Variants in SLC4A10 observed in about 807,000 individuals in gnomAD.
SLC4A10 encodes solute carrier family 4 member 10, also known as sodium-driven chloride bicarbonate exchanger.
A neutral mutation model predicts 137.7 loss-of-function variants in SLC4A10; 42 were observed. The observed-to-expected ratio is 0.30, with a 90% CI of 0.24 to 0.39. The LOEUF (loss-of-function observed/expected upper bound fraction) is 0.39. SLC4A10 is among the 10% of genes least tolerant of loss of function. SLC4A10 has a pLI of 1.00. For missense variants in SLC4A10, 925 were observed against 1,355.0 expected (o/e 0.68, Z 4.98); for synonymous variants, 474 against 464.1 (o/e 1.02, Z -0.27).
At chr2:161,886,438 G>A (rs1304624947) in intron 10 of SLC4A10, among the ~76,000 whole-genome samples, 1 of 152,032 alleles carries the variant, frequency 6.6e-6, no homozygotes, top group Non-Finnish European at 1.5e-5. Context: ...AGTTTTGAAG[G>A]AGTAGTCTCT....
intron 4 of SLC4A10, among the ~76,000 whole-genome samples, chr2:161,844,471 A>T (rs1266784659): frequency 6.6e-6 from 1 of 152,086 alleles, no homozygotes; most frequent in South Asian, 2.1e-4. Flanking sequence ...CACCCCAGCC[A>T]TGTCCCCCAA....
chr2:161,928,989 C>T (rs1448780863), intron 15 of SLC4A10, among the ~76,000 whole-genome samples: 1 of 152,128 alleles, frequency 6.6e-6, no homozygotes, highest in African/African-American at 2.4e-5. Context: ...CATATTTTCT[C>T]TATTTTATAT....
At chr2:161,644,279 T>C (rs956980847) in intron 1 of SLC4A10, among the ~76,000 whole-genome samples, 1 of 152,088 alleles carries the variant, frequency 6.6e-6, no homozygotes, top group Admixed American at 6.6e-5. Flanking sequence ...AGAAGATCGC[T>C]TGAGTTCAGG....
Position 161,863,068 on chromosome 2 carries a change from T to A in SLC4A10, c.766+6T>A. On this transcript the variant is annotated splice_donor_region_variant and intron_variant, in intron 6 of 26. Transcript: ENST00000446997. ...AAATTCCATGGACAAAAATGGTAAA[T>A]GTTTATTTATTGTGCTCTTTATGTC... The A allele has an allele frequency of 1.2e-6, 2 of 1,613,250 alleles. No individual in the cohort carries two copies. The highest frequency in any genetic ancestry group is 1.7e-6 in the Non-Finnish European group (2 of 1,179,404).
chr2:161,637,117 A>G (rs533394994), intron 1 of SLC4A10, among the ~76,000 whole-genome samples: 32 of 147,346 alleles, frequency 2.2e-4, no homozygotes, highest in Non-Finnish European at 4.5e-4. Flanking sequence ...TTATGTATAT[A>G]TATCTATATA....
At chr2:161,803,320 A>G (rs1014376590) in intron 2 of SLC4A10, among the ~76,000 whole-genome samples, 2 of 152,170 alleles carry the variant, frequency 1.3e-5, no homozygotes, top group South Asian at 2.1e-4. Context: ...AACATTTTAC[A>G]TTAGTGCAGT....
intron 2 of SLC4A10, among the ~76,000 whole-genome samples, chr2:161,791,219 A>G (rs2054170399): frequency 6.6e-6 from 1 of 152,172 alleles, no homozygotes; most frequent in African/African-American, 2.4e-5. Flanking sequence ...ACCAACTAAA[A>G]TGCCCATCAG....
intron 4 of SLC4A10, among the ~76,000 whole-genome samples, chr2:161,843,447 A>G (rs550763137): frequency 6.6e-6 from 1 of 152,322 alleles, no homozygotes; most frequent in South Asian, 2.1e-4. Flanking sequence ...CCAAGCTTCT[A>G]GAATCTAATG....
intron 1 of SLC4A10, among the ~76,000 whole-genome samples, chr2:161,710,431 G>C (rs2044153040): frequency 6.6e-6 from 1 of 151,200 alleles, no homozygotes; most frequent in African/African-American, 2.4e-5. Flanking sequence ...CTTTCTGTTA[G>C]TGGCATTTAA....
chr2:161,804,057 G>A (rs2055659020), intron 2 of SLC4A10, among the ~76,000 whole-genome samples: 2 of 152,080 alleles, frequency 1.3e-5, no homozygotes, highest in Non-Finnish European at 2.9e-5. Flanking sequence ...ATTAGAGACA[G>A]TGATTTTTTA....
At chr2:161,784,288 T>A (rs370963841) in intron 2 of SLC4A10, among the ~76,000 whole-genome samples, 2 of 151,768 alleles carry the variant, frequency 1.3e-5, no homozygotes, top group African/African-American at 4.8e-5. Context: ...ACAATAATAG[T>A]AGGATATTTC....
intron 2 of SLC4A10, among the ~76,000 whole-genome samples, chr2:161,773,339 C>G (rs1272353525): frequency 6.6e-6 from 1 of 151,688 alleles, no homozygotes; most frequent in Non-Finnish European, 1.5e-5. Context: ...AATTGTTGCA[C>G]CAGGGATTAA....
chr2:161,977,679 T>G (rs577543662), intron 25 of SLC4A10, 43 bp from the exon 26 acceptor site: 1 of 1,553,312 alleles, frequency 6.4e-7, no homozygotes, highest in African/African-American at 1.4e-5. Flanking sequence ...AACCTTAAAT[T>G]AACTTTTTCT....
At chr2:161,729,741 T>C (rs1559124727) in intron 1 of SLC4A10, among the ~76,000 whole-genome samples, 1 of 152,156 alleles carries the variant, frequency 6.6e-6, no homozygotes, top group Non-Finnish European at 1.5e-5. Context: ...CTAGAGAAGT[T>C]GATGCAAACA....
intron 2 of SLC4A10, among the ~76,000 whole-genome samples, chr2:161,781,322 C>A (rs570844460): frequency 6.6e-6 from 1 of 152,052 alleles, no homozygotes; most frequent in Admixed American, 6.6e-5. Flanking sequence ...GTGAGTGAAT[C>A]TTGATAAACA....
intron 1 of SLC4A10, among the ~76,000 whole-genome samples, chr2:161,730,055 A>G (rs1344330982): frequency 1.3e-5 from 2 of 152,204 alleles, no homozygotes; most frequent in Admixed American, 1.3e-4. Context: ...AATAAGAGGA[A>G]AGAGTGAAAA....
intron 9 of SLC4A10, among the ~76,000 whole-genome samples, 182 bp from the exon 10 acceptor site, chr2:161,882,175 C>G (rs2061845111): frequency 6.6e-6 from 1 of 150,758 alleles, no homozygotes; most frequent in African/African-American, 2.4e-5. Context: ...GCTTGAGGAT[C>G]TTAAGCATAA....
At chr2:161,886,237 C>T (rs2062267691) in intron 10 of SLC4A10, among the ~76,000 whole-genome samples, 1 of 152,150 alleles carries the variant, frequency 6.6e-6, no homozygotes, top group South Asian at 2.1e-4. Context: ...ACAGTTTCCT[C>T]TCTCTTCTAG....
intron 1 of SLC4A10, among the ~76,000 whole-genome samples, chr2:161,767,560 A>T (rs183910258): frequency 6.1e-4 from 93 of 151,994 alleles, no homozygotes; most frequent in African/African-American, 2.2e-3. Context: ...CTCTGCTCTT[A>T]TGGGGGTTTT....
Sources: gnomAD v4.1 joint callset for allele counts (sites outside exome capture counted in the v4.1 genomes callset) on GRCh38, gnomAD v4.1.1 for gene constraint, MANE v1.5 for transcripts, NCBI Gene and HGNC (gene_info 2026-07-23, HGNC 2026-07-21) for gene names.